Variants in MMP16 observed in about 807,000 individuals in gnomAD.
The protein encoded by MMP16 is matrix metallopeptidase 16, also known as matrix metalloproteinase-16.
A neutral mutation model predicts 67.8 loss-of-function variants in MMP16; 12 were observed. The observed-to-expected ratio is 0.18, with a 90% CI of 0.11 to 0.29. The LOEUF (loss-of-function observed/expected upper bound fraction) is 0.29, where lower values mean the gene tolerates loss of function less well. Among genes scored for constraint, MMP16 ranks in the 10% least tolerant of loss-of-function variants. The pLI is 1.00. For synonymous variants in MMP16, 249 were observed against 255.9 expected (o/e 0.97, Z 0.26); for missense variants, 475 against 765.7 (o/e 0.62, Z 4.48).
intron 6 of MMP16, among the ~76,000 whole-genome samples, chr8:88,098,423 G>T (rs1809071714): frequency 1.3e-5 from 2 of 152,100 alleles, no homozygotes; most frequent in East Asian, 2.0e-4. Context: ...CACATGGTTG[G>T]TATTTCTGGT....
chr8:88,044,988 C>T (rs1162791408), intron 9 of MMP16, among the ~76,000 whole-genome samples: 1 of 152,126 alleles, frequency 6.6e-6, no homozygotes, highest in Non-Finnish European at 1.5e-5. Flanking sequence ...ATTCCTTTCC[C>T]TTTTATCTCA....
chr8:88,235,163 A>G (rs1209232250), intron 1 of MMP16, among the ~76,000 whole-genome samples: 1 of 152,142 alleles, frequency 6.6e-6, no homozygotes, highest in African/African-American at 2.4e-5. Context: ...GAATCCCAGC[A>G]CTTTGGGAGA....
rs1811549687 is a variant in MMP16, at chr8:88,327,001, TC to T, written c.132+73del. The T allele has an allele frequency of 1.9e-6, 3 of 1,591,304 alleles. No individual in the cohort carries two copies. In the South Asian group the frequency reaches 3.3e-5, roughly 18 times the overall value. On this transcript the variant is annotated intron_variant, in intron 1 of 9. Coordinates refer to ENST00000286614, the MANE Select transcript of MMP16 (RefSeq NM_005941.5). ...CCCAGGCTGCTCTGAGCTACAAGGA[TC>T]CCAGGAGTGAAGGAAATGTTTCAGG...
chr8:88,132,999 C>T (rs1054120886), intron 4 of MMP16, among the ~76,000 whole-genome samples: 2 of 151,878 alleles, frequency 1.3e-5, no homozygotes, highest in Non-Finnish European at 1.5e-5. Context: ...AGGAGTACTG[C>T]TAATCACTGG....
At chr8:88,214,007 C>T (rs942831857) in intron 1 of MMP16, among the ~76,000 whole-genome samples, 1 of 152,066 alleles carries the variant, frequency 6.6e-6, no homozygotes, top group African/African-American at 2.4e-5. Context: ...CTAACAAGCG[C>T]CTAACAGACT....
At chr8:88,164,943 A>G (rs771787763) in intron 4 of MMP16, among the ~76,000 whole-genome samples, 2 of 151,924 alleles carry the variant, frequency 1.3e-5, no homozygotes, top group Non-Finnish European at 2.9e-5. Flanking sequence ...TACAAAACAC[A>G]TAAGCATTCT....
At chr8:88,285,017 T>C (rs2130002879) in intron 1 of MMP16, among the ~76,000 whole-genome samples, 1 of 152,324 alleles carries the variant, frequency 6.6e-6, no homozygotes, top group South Asian at 2.1e-4. Flanking sequence ...AACTGGTTTA[T>C]TTCCCCCATA....
At chr8:88,158,242 G>A (rs202021983) in intron 4 of MMP16, among the ~76,000 whole-genome samples, 20 of 152,186 alleles carry the variant, frequency 1.3e-4, no homozygotes, top group South Asian at 2.1e-4. Context: ...TTGAGGAATC[G>A]CCACACTGTC....
chr8:88,173,235 A>G (rs973249063), intron 3 of MMP16, among the ~76,000 whole-genome samples: 1 of 152,080 alleles, frequency 6.6e-6, no homozygotes, highest in African/African-American at 2.4e-5. Flanking sequence ...TACCTTTTGT[A>G]GAGACAGGGT....
intron 4 of MMP16, among the ~76,000 whole-genome samples, chr8:88,145,222 G>A (rs1405516232): frequency 6.6e-6 from 1 of 151,916 alleles, no homozygotes; most frequent in Non-Finnish European, 1.5e-5. Flanking sequence ...AGGCTATATG[G>A]TATAGCCTGT....
At chr8:88,064,885 G>A (rs1010425874) in intron 7 of MMP16, among the ~76,000 whole-genome samples, 4 of 152,052 alleles carry the variant, frequency 2.6e-5, no homozygotes, top group Non-Finnish European at 4.4e-5. Context: ...TTGAATGCTT[G>A]TGCAAGTGTG....
chr8:88,061,145 C>T (rs1199717385), intron 7 of MMP16, among the ~76,000 whole-genome samples: 1 of 150,658 alleles, frequency 6.6e-6, no homozygotes, highest in African/African-American at 2.4e-5. Flanking sequence ...CACACACACA[C>T]ACACACACAC....
At chr8:88,090,422 A>G (rs563048849) in intron 6 of MMP16, among the ~76,000 whole-genome samples, 4 of 152,092 alleles carry the variant, frequency 2.6e-5, no homozygotes, top group Middle Eastern at 3.4e-3. Flanking sequence ...AATTAAAGAA[A>G]ACTATTTTGT....
At chr8:88,238,216 A>G (rs1306403227) in intron 1 of MMP16, among the ~76,000 whole-genome samples, 1 of 152,104 alleles carries the variant, frequency 6.6e-6, no homozygotes, top group Non-Finnish European at 1.5e-5. Context: ...AAGATCCTGA[A>G]CAAGACTTGG....
At chr8:88,136,077 G>C (rs1808114128) in intron 4 of MMP16, among the ~76,000 whole-genome samples, 1 of 151,902 alleles carries the variant, frequency 6.6e-6, no homozygotes, top group African/African-American at 2.4e-5. Context: ...ACTCGGAATA[G>C]TTCAAACAGT....
intron 1 of MMP16, among the ~76,000 whole-genome samples, chr8:88,288,394 A>G (rs1563585025): frequency 6.6e-6 from 1 of 152,052 alleles, no homozygotes; most frequent in African/African-American, 2.4e-5. Context: ...ACCAGGTGCT[A>G]TATCAGATGA....
intron 1 of MMP16, among the ~76,000 whole-genome samples, chr8:88,310,786 G>T (rs1335497106): frequency 6.6e-6 from 1 of 152,032 alleles, no homozygotes; most frequent in Non-Finnish European, 1.5e-5. Context: ...GGCAAGAAGA[G>T]AGAAAAAAAG....
intron 1 of MMP16, among the ~76,000 whole-genome samples, chr8:88,231,436 C>T (rs184795951): frequency 1.1e-3 from 175 of 152,252 alleles, no homozygotes; most frequent in Admixed American, 3.0e-3. Flanking sequence ...TCTCTTTCCC[C>T]TAAATCCTTA....
chr8:88,175,453 C>T (rs1339954106), intron 3 of MMP16, among the ~76,000 whole-genome samples: 1 of 152,134 alleles, frequency 6.6e-6, no homozygotes, highest in African/African-American at 2.4e-5. Flanking sequence ...GCTTTCGATA[C>T]ACTAGGCAAT....
Sources: allele counts gnomAD v4.1 joint callset (sites outside exome capture counted in the v4.1 genomes callset), GRCh38; gene constraint gnomAD v4.1.1; transcripts MANE v1.5; gene names NCBI Gene and HGNC (gene_info 2026-07-23, HGNC 2026-07-21).